Variants in CA1 observed in about 807,000 individuals in gnomAD.
CA1 encodes the protein carbonic anhydrase 1.
In CA1, 27 loss-of-function variants were observed where a neutral mutation model predicts 28.8. That is an observed-to-expected ratio of 0.94 (90% CI 0.69 to 1.29). The LOEUF is 1.29. Among genes scored for constraint, CA1 ranks in the 50% most tolerant of loss-of-function variants. The probability of loss-of-function intolerance (pLI) is 0.00; values close to 1 mark genes in which losing one functional copy is unlikely to be tolerated. For synonymous variants in CA1, 121 were observed against 108.8 expected, an observed-to-expected ratio of 1.11 and a Z score of -0.70; for missense variants, 335 against 310.5, an observed-to-expected ratio of 1.08 and a Z score of -0.59.
At chr8:85,366,267 C>G (rs1810004843) in intron 1 of CA1, among the ~76,000 whole-genome samples, 2 of 151,190 alleles carry the variant, frequency 1.3e-5, no homozygotes, top group Non-Finnish European at 2.9e-5. Flanking sequence ...CCCTCTTCGG[C>G]CTCCCAAAGT....
At chr8:85,355,947 T>C (rs7007330) in intron 1 of CA1, among the ~76,000 whole-genome samples, 3,831 of 152,196 alleles carry the variant, frequency 0.025, 172 homozygotes, top group African/African-American at 0.087. Context: ...GTATTTGACA[T>C]AATTCCCATG....
At chr8:85,338,067 G>T in intron 3 of CA1, 185 bp downstream of exon 3, 1 of 700,678 alleles carries the variant, frequency 1.4e-6, no homozygotes, top group Non-Finnish European at 2.6e-6. Flanking sequence ...AGAGAGCTGG[G>T]AGTTCCAAAA....
rs1808725296 is a variant in CA1, at chr8:85,337,802, CTG to C, written c.235+448_235+449del. 3.9e-5 allele frequency among the ~76,000 whole-genome samples: 6 copies of C among 152,256 alleles called. No homozygotes were observed. In the South Asian group the frequency reaches 1.2e-3, roughly 32 times the overall value. The stretch of plus-strand genomic sequence containing the variant: ...AATAAACCTTCATGAAAAGCTAACT[CTG>C]TAGCAAAATTTGTTCTAGATTCTGG... On this transcript the variant is annotated intron_variant, in intron 3 of 7. Coordinates refer to ENST00000523022, the MANE Select transcript of CA1 (RefSeq NM_001128831.4).
At chr8:85,344,160 TATATTATATACTG>T in intron 1 of CA1, among the ~76,000 whole-genome samples, 1 of 132,360 alleles carries the variant, frequency 7.6e-6, no homozygotes, top group African/African-American at 2.8e-5. Flanking sequence ...TTATATACTG[TATATTATATACTG>T]TATATAATAT....
At chr8:85,361,431 C>T (rs1809792649) in intron 1 of CA1, among the ~76,000 whole-genome samples, 1 of 152,184 alleles carries the variant, frequency 6.6e-6, no homozygotes, top group Non-Finnish European at 1.5e-5. Flanking sequence ...AATCTCAGCA[C>T]TTTGGGAAGC....
intron 1 of CA1, among the ~76,000 whole-genome samples, chr8:85,354,177 G>GT (rs1439827619): frequency 4.1e-5 from 6 of 148,134 alleles, no homozygotes; most frequent in Non-Finnish European, 8.9e-5. Flanking sequence ...GTTTCACCAT[G>GT]TTGGCCAGGC....
chr8:85,363,989 C>CTTTCT lies in CA1; in HGVS notation c.-25+14052_-25+14056dup, dbSNP rs1368899506. Among the ~76,000 whole-genome samples the CTTTCT allele has an allele frequency of 5.9e-5, 9 of 151,890 alleles. No homozygotes were observed. In the East Asian group the frequency reaches 1.5e-3, roughly 26 times the overall value. ...CCCCAAATTTCTTTTCTTTCCTTTC[C>CTTTCT]TTTCTTTTCTTTTTTATTTTATTTT... On this transcript the variant is annotated intron_variant, in intron 1 of 7. Transcript: ENST00000523022.
chr8:85,340,296 A>G (rs1397729490), intron 2 of CA1, among the ~76,000 whole-genome samples: 1 of 152,114 alleles, frequency 6.6e-6, no homozygotes, highest in Admixed American at 6.6e-5. Context: ...TACTCAATCT[A>G]CTCTGCCTGT....
intron 1 of CA1, among the ~76,000 whole-genome samples, chr8:85,349,541 A>C (rs909290573): frequency 1.3e-5 from 2 of 152,212 alleles, no homozygotes. Flanking sequence ...AACAGACCCT[A>C]TAACTTTGGC....
intron 1 of CA1, among the ~76,000 whole-genome samples, chr8:85,357,302 C>G (rs1486227857): frequency 6.6e-6 from 1 of 152,158 alleles, no homozygotes; most frequent in East Asian, 1.9e-4. Context: ...GGCAACGTGT[C>G]TGGTAGGAAG....
At chr8:85,367,190 A>G (rs560978401) in intron 1 of CA1, among the ~76,000 whole-genome samples, 1 of 152,248 alleles carries the variant, frequency 6.6e-6, no homozygotes, top group African/African-American at 2.4e-5. Flanking sequence ...CCAATAAAAA[A>G]AGTTTATAAG....
chr8:85,378,081 C>T lies in CA1; in HGVS notation c.-60G>A, dbSNP rs1226198808. On this transcript the variant is annotated 5_prime_UTR_variant, in exon 1 of 8. The change creates a new upstream start codon in the 5' untranslated region. Coordinates refer to ENST00000523022, the MANE Select transcript of CA1 (RefSeq NM_001128831.4). ...GAGAGAAGGCTGCCACAGAGGACCACGCAGGGGGTTGCACCTGAGGACTGG... is the reference window on the plus strand; with the variant it reads ...GAGAGAAGGCTGCCACAGAGGACCATGCAGGGGGTTGCACCTGAGGACTGG... 4 of 152,130 alleles carry T rather than the reference C, an allele frequency of 2.6e-5. No homozygotes were observed. The highest frequency in any genetic ancestry group is 2.9e-5 in the Non-Finnish European group (2 of 68,062). 9.4% of individuals were successfully genotyped at this position (152,130 alleles called of 1,614,324 possible).
chr8:85,331,453 T>G (rs1808395642), intron 6 of CA1, among the ~76,000 whole-genome samples: 1 of 151,792 alleles, frequency 6.6e-6, no homozygotes, highest in Non-Finnish European at 1.5e-5. Context: ...TTTTCAAAAT[T>G]TATTTATTTA....
At chr8:85,328,988 T>C (rs1045878292) in intron 7 of CA1, among the ~76,000 whole-genome samples, 3 of 152,190 alleles carry the variant, frequency 2.0e-5, no homozygotes, top group African/African-American at 7.2e-5. Flanking sequence ...CTGGGGTACG[T>C]TGGGCGAGCG....
intron 2 of CA1, among the ~76,000 whole-genome samples, chr8:85,339,726 G>A (rs943863732): frequency 5.3e-4 from 81 of 152,282 alleles, no homozygotes; most frequent in African/African-American, 1.9e-3. Flanking sequence ...AATTAAAGGT[G>A]CTACACCAGT....
At chr8:85,368,048 T>C (rs1810076452) in intron 1 of CA1, among the ~76,000 whole-genome samples, 1 of 151,980 alleles carries the variant, frequency 6.6e-6, no homozygotes, top group Non-Finnish European at 1.5e-5. Flanking sequence ...ATTTTCCAGC[T>C]ACTTATACAT....
intron 6 of CA1, among the ~76,000 whole-genome samples, chr8:85,331,995 G>C (rs189748932): frequency 3.9e-5 from 6 of 152,110 alleles, no homozygotes; most frequent in Non-Finnish European, 8.8e-5. Flanking sequence ...ACAAATCTCT[G>C]ATTTATGGTT....
At chr8:85,344,219 AT>A (rs1416256576) in intron 1 of CA1, among the ~76,000 whole-genome samples, 30 of 64,656 alleles carry the variant, frequency 4.6e-4, no homozygotes, top group African/African-American at 1.8e-3. Context: ...ATATAATTAT[AT>A]TATATACAGT....
In CA1 at chr8:85,329,844, C is replaced by T. The variant is rs749226165; in HGVS notation, c.514G>A (p.Gly172Ser). ...LDALQAIKTK[G>S]KRAPFTNFDP... The stretch of plus-strand genomic sequence containing the variant: ...AAATTTGTGAATGGGGCTCGTTTGC[C>T]CTGGAAGAAAAGAATACATCATTAC... Residue 172 changes from glycine (G) to serine (S), a missense_variant and splice_region_variant, in exon 7 of 8, where the codon GGC becomes AGC. Coordinates refer to ENST00000523022, the MANE Select transcript of CA1 (RefSeq NM_001128831.4). 7 of 1,581,614 alleles carry T rather than the reference C, an allele frequency of 4.4e-6. No homozygotes were observed. Among genetic ancestry groups the T allele is most frequent in the African/African-American group, 4.1e-5 (3 of 73,986 alleles).
Sources: gnomAD v4.1 joint callset for allele counts (sites outside exome capture counted in the v4.1 genomes callset) on GRCh38, gnomAD v4.1.1 for gene constraint, MANE v1.5 for transcripts, NCBI Gene and HGNC (gene_info 2026-07-23, HGNC 2026-07-21) for gene names.